CEP128: variants seen among roughly 807,000 people sequenced by gnomAD.
CEP128 encodes the protein centrosomal protein 128kDa.
In CEP128, 132 loss-of-function variants were observed where a neutral mutation model predicts 156.7. The ratio of observed to expected loss-of-function variants is 0.84; its 90% CI spans 0.73 to 0.97. The LOEUF (loss-of-function observed/expected upper bound fraction) is 0.97, where lower values mean the gene tolerates loss of function less well. Ranked by LOEUF, CEP128 falls within the 50% of genes least tolerant of loss-of-function variation. The probability of loss-of-function intolerance (pLI) is 0.00; values close to 1 mark genes in which losing one functional copy is unlikely to be tolerated. For synonymous variants in CEP128, 469 were observed against 448.9 expected (o/e 1.04, Z -0.57); for missense variants, 1,252 against 1,281.9 (o/e 0.98, Z 0.36).
chr14:80,593,726 C>T (rs1398677922), intron 19 of CEP128, among the ~76,000 whole-genome samples: 1 of 151,944 alleles, frequency 6.6e-6, no homozygotes, highest in Non-Finnish European at 1.5e-5. Flanking sequence ...TTCACAATTG[C>T]TACAAAGAGA....
At chr14:80,657,431 CACCTA>C (rs1386520569) in intron 19 of CEP128, among the ~76,000 whole-genome samples, 3 of 151,972 alleles carry the variant, frequency 2.0e-5, no homozygotes, top group Non-Finnish European at 2.9e-5. Flanking sequence ...GTGGGCAGAT[CACCTA>C]AGGTCAGGAG....
intron 8 of CEP128, among the ~76,000 whole-genome samples, chr14:80,865,588 T>C (rs1048216274): frequency 6.6e-6 from 1 of 152,174 alleles, no homozygotes; most frequent in Non-Finnish European, 1.5e-5. Context: ...TACCCTTGAG[T>C]GTAGGCTAGC....
At position 80,530,904 on chromosome 14, in the gene CEP128, A is replaced by C. The variant is rs1889196539; in HGVS notation, c.2881-18T>G. 1 of 1,542,514 alleles carries C rather than the reference A, an allele frequency of 6.5e-7. No homozygotes were observed. The highest frequency in any genetic ancestry group is 8.9e-7 in the Non-Finnish European group (1 of 1,127,802). ...TGGGTACTCTGAAATAGAAAACATAAGGAAACCAAACATTATAAAAAATTG... is the reference window on the plus strand; with the variant it reads ...TGGGTACTCTGAAATAGAAAACATACGGAAACCAAACATTATAAAAAATTG... On this transcript the variant is annotated intron_variant, in intron 21 of 24. Transcript: ENST00000555265.
chr14:80,926,547 A>G (rs1020318573), intron 2 of CEP128, among the ~76,000 whole-genome samples: 9 of 152,174 alleles, frequency 5.9e-5, no homozygotes, highest in Non-Finnish European at 1.2e-4. Flanking sequence ...CCCAGCCCCA[A>G]CTAGCTTTGC....
intron 19 of CEP128, among the ~76,000 whole-genome samples, chr14:80,657,839 A>C (rs1895239723): frequency 6.6e-6 from 1 of 152,164 alleles, no homozygotes; most frequent in Admixed American, 6.5e-5. Flanking sequence ...TTGAACAAGA[A>C]AAAGAAATCC....
chr14:80,863,370 C>T (rs1475404693), intron 8 of CEP128, among the ~76,000 whole-genome samples: 2 of 152,134 alleles, frequency 1.3e-5, no homozygotes, highest in East Asian at 3.8e-4. Flanking sequence ...GCTTATCAAT[C>T]TTTTCTACTG....
chr14:80,706,436 T>C (rs1004516492), intron 19 of CEP128, among the ~76,000 whole-genome samples: 2 of 152,066 alleles, frequency 1.3e-5, no homozygotes, highest in African/African-American at 4.8e-5. Flanking sequence ...TGTGTGTGTG[T>C]GTATGTGTGT....
At chr14:80,702,711 G>C (rs1313472474) in intron 19 of CEP128, among the ~76,000 whole-genome samples, 1 of 152,142 alleles carries the variant, frequency 6.6e-6, no homozygotes, top group Non-Finnish European at 1.5e-5. Context: ...TCAAATCTAG[G>C]CAATGTGACT....
chr14:80,567,538 C>T (rs1336977557), intron 20 of CEP128, among the ~76,000 whole-genome samples: 4 of 152,122 alleles, frequency 2.6e-5, no homozygotes, highest in Non-Finnish European at 5.9e-5. Context: ...CGAAGCAAAG[C>T]TATGAGCTTT....
chr14:80,566,662 T>G (rs775504160), intron 20 of CEP128, among the ~76,000 whole-genome samples: 3 of 152,234 alleles, frequency 2.0e-5, no homozygotes, highest in African/African-American at 7.2e-5. Context: ...GAAAGAAGTT[T>G]GTCTATACAT....
intron 19 of CEP128, among the ~76,000 whole-genome samples, chr14:80,684,410 C>A (rs1270070242): frequency 6.6e-6 from 1 of 151,596 alleles, no homozygotes; most frequent in Admixed American, 6.6e-5. Flanking sequence ...AAATTGAAAC[C>A]CTGAACAGAA....
chr14:80,959,042 A>G (rs907773052), intron 1 of CEP128, among the ~76,000 whole-genome samples: 9 of 152,334 alleles, frequency 5.9e-5, no homozygotes, highest in African/African-American at 2.2e-4. Flanking sequence ...TTGTTCTGAA[A>G]GGTAAACAGC....
At chr14:80,498,821 G>A (rs919708406) in intron 24 of CEP128, among the ~76,000 whole-genome samples, 10 of 152,282 alleles carry the variant, frequency 6.6e-5, no homozygotes, top group African/African-American at 2.4e-4. Context: ...CTGAACACTG[G>A]ACATGGTACA....
intron 2 of CEP128, among the ~76,000 whole-genome samples, chr14:80,932,754 T>C (rs1322868047): frequency 6.6e-6 from 1 of 152,082 alleles, no homozygotes; most frequent in Non-Finnish European, 1.5e-5. Context: ...AAGTACACAA[T>C]AAATGCAATG....
intron 16 of CEP128, among the ~76,000 whole-genome samples, chr14:80,777,607 C>T (rs770501644): frequency 3.1e-4 from 47 of 152,148 alleles, no homozygotes; most frequent in Non-Finnish European, 5.9e-4. Flanking sequence ...CCTCAATAAA[C>T]CATCATTCCT....
chr14:80,599,171 T>C (rs1053327337), intron 19 of CEP128, among the ~76,000 whole-genome samples: 1 of 152,194 alleles, frequency 6.6e-6, no homozygotes, highest in African/African-American at 2.4e-5. Flanking sequence ...TCTTAAATTT[T>C]AATTGGTTAA....
At chr14:80,685,600 TA>T (rs575679614) in intron 19 of CEP128, among the ~76,000 whole-genome samples, 3 of 151,492 alleles carry the variant, frequency 2.0e-5, no homozygotes, top group Admixed American at 6.6e-5. Context: ...AAATTAAATA[TA>T]AAAAAAATTC....
rs72689078 is a variant in CEP128, at chr14:80,600,472, C to T, written c.2807-20049G>A. Among the ~76,000 whole-genome samples the T allele has an allele frequency of 5.7e-3, 867 of 151,882 alleles. 8 individuals carry two copies. The highest frequency in any genetic ancestry group is 0.014 in the Middle Eastern group (4 of 294). On this transcript the variant is annotated intron_variant, in intron 19 of 24. Coordinates refer to ENST00000555265, the MANE Select transcript of CEP128 (RefSeq NM_152446.5). ...TGGATTACATATTCGAAGGGATAAA[C>T]AGAAAAAAGAGAGAGAAAAGAAACT...
rs751729538 is a variant in CEP128, at chr14:80,792,733, C to T, written c.1560+27G>A. On this transcript the variant is annotated intron_variant, in intron 14 of 24. Coordinates refer to ENST00000555265, the MANE Select transcript of CEP128 (RefSeq NM_152446.5). ...TGAATGGTTGAATCACATTGAAAACCGTTCCTTAGGAATGTGGCTTTTATA... is the reference window on the plus strand; with the variant it reads ...TGAATGGTTGAATCACATTGAAAACTGTTCCTTAGGAATGTGGCTTTTATA... 7.0e-6 allele frequency: 11 copies of T among 1,578,074 alleles called. No individual in the cohort carries two copies. The African/African-American group carries it at 1.2e-4, about 17-fold the overall frequency.
Sources: allele counts gnomAD v4.1 joint callset (sites outside exome capture counted in the v4.1 genomes callset), GRCh38; gene constraint gnomAD v4.1.1; transcripts MANE v1.5; gene names NCBI Gene and HGNC (gene_info 2026-07-23, HGNC 2026-07-21).